BLTP1: variants seen among roughly 807,000 people sequenced by gnomAD.
The protein encoded by BLTP1 is fragile site-associated protein.
At chr4:122,303,229 C>T in the BLTP1 span, among the ~76,000 whole-genome samples, 1 of 152,176 alleles carries the variant, frequency 6.6e-6, no homozygotes. Context: ...TCTGCCTATG[C>T]TCTATCAGTG....
the BLTP1 span, chr4:122,208,123 C>T: frequency 1.0e-6 from 1 of 981,690 alleles, no homozygotes; most frequent in Non-Finnish European, 1.2e-6. Flanking sequence ...AGTGGTTATA[C>T]TGGTAAAATT....
chr4:122,187,607 G>A, the BLTP1 span: 1,276,997 of 1,286,140 alleles, frequency 0.99, 634,488 homozygotes, highest in East Asian at 1. Context: ...AAATTAAATA[G>A]TTTTGTGGAG....
chr4:122,298,669 A>AT, the BLTP1 span: 2 of 10,822 alleles, frequency 1.8e-4, no homozygotes, highest in Middle Eastern at 0.029. Context: ...AGGTATTTAA[A>AT]CATATAATAA....
the BLTP1 span, chr4:122,263,611 A>G: frequency 2.6e-6 from 4 of 1,556,530 alleles, no homozygotes; most frequent in Non-Finnish European, 3.5e-6. Context: ...GTATTGAGTT[A>G]TCACATTATT....
At chr4:122,269,790 A>G in the BLTP1 span, 5 of 525,520 alleles carry the variant, frequency 9.5e-6, no homozygotes, top group Non-Finnish European at 1.2e-5. Context: ...GTCCTCATAC[A>G]TGATAGTTTC....
chr4:122,246,236 C>A, the BLTP1 span: 19 of 1,606,940 alleles, frequency 1.2e-5, no homozygotes, highest in South Asian at 2.0e-4. Context: ...ACAGACAAAT[C>A]TTACAATGAA....
chr4:122,153,855 A>T, the BLTP1 span: 1 of 273,578 alleles, frequency 3.7e-6, no homozygotes, highest in Non-Finnish European at 5.6e-6. Flanking sequence ...TTTTATACTT[A>T]GGAGTATTTG....
At chr4:122,263,396 C>T in the BLTP1 span, 8 of 1,490,038 alleles carry the variant, frequency 5.4e-6, no homozygotes, top group African/African-American at 2.9e-5. Context: ...TTTTTTTGCT[C>T]CTTAGTATAT....
chr4:122,247,067 G>GT, the BLTP1 span: 63 of 1,417,906 alleles, frequency 4.4e-5, no homozygotes, highest in Non-Finnish European at 5.1e-5. Flanking sequence ...AGAGTGTTTT[G>GT]TTTTTTTTAA....
the BLTP1 span, among the ~76,000 whole-genome samples, chr4:122,280,524 G>T: frequency 2.0e-5 from 3 of 151,860 alleles, no homozygotes; most frequent in African/African-American, 7.3e-5. Context: ...ATAAAAATAC[G>T]TGGTGGCAGG....
At chr4:122,178,025 A>G in the BLTP1 span, 1 of 714,656 alleles carries the variant, frequency 1.4e-6, no homozygotes, top group South Asian at 6.4e-5. Flanking sequence ...TACATAGAAG[A>G]ACTCATTTGT....
At chr4:122,299,156 T>C in the BLTP1 span, 1 of 984,682 alleles carries the variant, frequency 1.0e-6, no homozygotes, top group Non-Finnish European at 1.2e-6. Context: ...GCAAACATCA[T>C]GTAGGAAGGA....
the BLTP1 span, among the ~76,000 whole-genome samples, chr4:122,232,583 G>A: frequency 6.6e-6 from 1 of 151,862 alleles, no homozygotes. Flanking sequence ...CTCCAGCCTG[G>A]GCAACAGAGT....
chr4:122,332,629 C>CTTTTTTTTTTTTTTTTTTT, the BLTP1 span, among the ~76,000 whole-genome samples: 1 of 142,552 alleles, frequency 7.0e-6, no homozygotes, highest in Non-Finnish European at 1.5e-5. Context: ...TAAAAGTTTG[C>CTTTTTTTTTTTTTTTTTTT]TTTTTTTTTT....
the BLTP1 span, chr4:122,208,109 T>G: frequency 1.0e-6 from 1 of 983,856 alleles, no homozygotes. Context: ...CTTGTAGTAT[T>G]AATAGTGGTT....
chr4:122,267,661 A>G, the BLTP1 span: 2 of 947,294 alleles, frequency 2.1e-6, no homozygotes, highest in Non-Finnish European at 2.5e-6. Context: ...TCTAGCCATC[A>G]GAAACAAATA....
chr4:122,306,181 A>C, the BLTP1 span: 19 of 824,162 alleles, frequency 2.3e-5, no homozygotes, highest in South Asian at 4.8e-4. Context: ...TGTATCCAAA[A>C]AAAAAATCTT....
chr4:122,158,324 C>T, the BLTP1 span, among the ~76,000 whole-genome samples: 1 of 152,058 alleles, frequency 6.6e-6, no homozygotes, highest in Non-Finnish European at 1.5e-5. Context: ...TATTGCTCAC[C>T]ATTTTAAGGA....
At chr4:122,188,238 T>G in the BLTP1 span, 1 of 1,011,454 alleles carries the variant, frequency 9.9e-7, no homozygotes, top group Non-Finnish European at 1.3e-6. Flanking sequence ...GTAGTCCTTC[T>G]TTATAGGATA....
Sources: allele counts gnomAD v4.1 joint callset (sites outside exome capture counted in the v4.1 genomes callset), GRCh38; gene constraint gnomAD v4.1.1; transcripts MANE v1.5; gene names NCBI Gene and HGNC (gene_info 2026-07-23, HGNC 2026-07-21).